ATP2C1: variants seen among roughly 807,000 people sequenced by gnomAD.
ATP2C1 encodes ATPase secretory pathway Ca2+ transporting 1, also known as calcium-transporting ATPase type 2C member 1.
Under a neutral mutation model 120.5 loss-of-function variants are expected in ATP2C1, and 31 were observed. That is an observed-to-expected ratio of 0.26 (90% CI 0.19 to 0.35). The LOEUF is 0.35. Ranked by LOEUF, ATP2C1 falls within the 10% of genes least tolerant of loss-of-function variation. The pLI, the probability that ATP2C1 is intolerant of heterozygous loss-of-function variation, is 1.00. For missense variants in ATP2C1, 731 were observed against 1,107.5 expected, an observed-to-expected ratio of 0.66 and a Z score of 4.83; for synonymous variants, 351 against 358.7, an observed-to-expected ratio of 0.98 and a Z score of 0.24.
At position 130,994,361 on chromosome 3, in the gene ATP2C1, G is replaced by C. The variant is rs550019515; in HGVS notation, c.2057+263G>C. ...TTCACCTTTTTCTGGGCACTAATAT[G>C]ATGGTATAGTAATGGCCTTTATTTT... is the stretch of plus-strand genomic sequence containing the variant. On this transcript the variant is annotated intron_variant, in intron 22 of 27. Transcript: ENST00000510168. 8.5e-5 allele frequency among the ~76,000 whole-genome samples: 13 copies of C among 152,268 alleles called. No homozygotes were observed. In the East Asian group the frequency reaches 2.1e-3, roughly 25 times the overall value.
chr3:130,957,222 A>G (rs529636679), intron 11 of ATP2C1, among the ~76,000 whole-genome samples: 1 of 152,306 alleles, frequency 6.6e-6, no homozygotes, highest in Admixed American at 6.5e-5. Flanking sequence ...AATCTCTGCA[A>G]TTAAGTTGGT....
intron 9 of ATP2C1, among the ~76,000 whole-genome samples, chr3:130,954,432 G>A (rs2060490633): frequency 6.6e-6 from 1 of 152,076 alleles, no homozygotes; most frequent in Non-Finnish European, 1.5e-5. Flanking sequence ...TATAATACAT[G>A]TTTGTATTTC....
intron 22 of ATP2C1, 46 bp downstream of exon 22, chr3:130,994,144 C>G (rs1369734765): frequency 1.9e-6 from 3 of 1,604,186 alleles, no homozygotes; most frequent in Non-Finnish European, 2.6e-6. Context: ...CTTCCCCTAT[C>G]CTTTCCTGTC....
At position 130,979,333 on chromosome 3, in the gene ATP2C1, T is replaced by A. The variant is rs1250433492; in HGVS notation, c.1655T>A (p.Val552Glu). 1.2e-6 allele frequency: 2 copies of A among 1,613,616 alleles called. No homozygotes were observed. Among genetic ancestry groups the A allele is most frequent in the Non-Finnish European group, 1.7e-6 (2 of 1,179,764 alleles). Residue 552 changes from valine (V) to glutamate (E), a missense_variant, in exon 19 of 28, where the codon GTG becomes GAG. By Grantham distance (121) the Val-to-Glu change is moderately radical. Transcript: ENST00000510168. ...ATCATTGATCCACCTAGAACTGGTG[T>A]GAAAGAAGCTGTTACAACACTCATT... ...VGIIDPPRTG[V>E]KEAVTTLIAS... is the part of the protein sequence containing the mutation.
At chr3:130,916,546 C>A (rs1015593473) in intron 2 of ATP2C1, among the ~76,000 whole-genome samples, 1 of 151,856 alleles carries the variant, frequency 6.6e-6, no homozygotes, top group African/African-American at 2.4e-5. Flanking sequence ...TATATTTTTT[C>A]TTTCTTCTTT....
chr3:130,914,472 G>GA (rs999454329), intron 2 of ATP2C1: 5 of 151,970 alleles, frequency 3.3e-5, no homozygotes, highest in African/African-American at 1.2e-4. Flanking sequence ...AGTTTTACAA[G>GA]AAAAAACCCA....
intron 1 of ATP2C1, among the ~76,000 whole-genome samples, chr3:130,853,684 A>G (rs544144715): frequency 1.3e-5 from 2 of 152,282 alleles, no homozygotes; most frequent in South Asian, 4.1e-4. Context: ...TCCTTTTCCA[A>G]GATATTTTGT....
At chr3:130,992,323 G>C (rs560790516) in intron 20 of ATP2C1, among the ~76,000 whole-genome samples, 1 of 152,272 alleles carries the variant, frequency 6.6e-6, no homozygotes, top group South Asian at 2.1e-4. Flanking sequence ...CTAGGTTAGA[G>C]CAAAGTGAAA....
chr3:131,016,382 T>C (rs1480010402), exon 27 of ATP2C1: 1 of 1,604,432 alleles, frequency 6.2e-7, no homozygotes. Context: ...CTAAAAGCAC[T>C]GTAACAGCTT....
intron 2 of ATP2C1, among the ~76,000 whole-genome samples, chr3:130,925,783 T>C (rs1351427101): frequency 6.7e-6 from 1 of 149,888 alleles, no homozygotes; most frequent in East Asian, 2.0e-4. Context: ...TTGGGTGAGC[T>C]TGCTGCAGCT....
In ATP2C1 at chr3:130,894,164, C is replaced by CCCCCAAAACCCA; in HGVS notation, c.-352_-351insCCAAAACCCACC. On this transcript the variant is annotated 5_prime_UTR_variant, in exon 1 of 28. Transcript: ENST00000510168. The surrounding 1 kb of genome is among the most constrained non-coding windows in gnomAD (Gnocchi z 4.5). ...TCCTCTTCTCTCCCCTCCCCGCCCG[C>CCCCCAAAACCCA]CCTCTCTCCCTCCCTTCCTCCCTCC... The CCCCCAAAACCCA allele has an allele frequency of 1.2e-6, 1 of 800,534 alleles. No individual in the cohort carries two copies. 49.6% of individuals were successfully genotyped at this position (800,534 alleles called of 1,614,324 possible).
intron 27 of ATP2C1, among the ~76,000 whole-genome samples, chr3:131,000,782 A>G (rs1223454181): frequency 6.6e-6 from 1 of 151,994 alleles, no homozygotes; most frequent in Non-Finnish European, 1.5e-5. Flanking sequence ...TGCCTGCCTT[A>G]TGGAATAGTT....
intron 2 of ATP2C1, chr3:130,919,067 G>A: frequency 2.0e-6 from 1 of 488,556 alleles, no homozygotes. Flanking sequence ...TCTGCGTGGT[G>A]CACGGCCCTC....
chr3:130,975,477 C>T lies in ATP2C1; in HGVS notation c.1559C>T (p.Ala520Val), dbSNP rs779717457. 17 of 1,613,414 alleles carry T rather than the reference C, an allele frequency of 1.1e-5. No homozygotes were observed. Among genetic ancestry groups the T allele is most frequent in the Admixed American group, 5.0e-5 (3 of 59,932 alleles). Residue 520 changes from alanine to valine, a missense_variant, in exon 18 of 28, where the codon GCG becomes GTG. Ala to Val is a moderately conservative substitution (Grantham distance 64). This residue lies in a region of ATP2C1 where 571 missense variants were observed against 845.9 expected (regional missense o/e 0.67). Coordinates refer to ENST00000510168, the MANE Select transcript of ATP2C1 (RefSeq NM_001378687.1). The stretch of plus-strand genomic sequence containing the variant: ...CAAGAGAAGGCACGCATGGGCTCAG[C>T]GGGACTCAGAGGTAAGGCTATTTCA... ...YQQEKARMGS[A>V]GLRVLALASG...
In ATP2C1 at chr3:130,964,004, C is replaced by T. The variant is rs748853340; in HGVS notation, c.933C>T (p.Pro311=). 5.6e-6 allele frequency: 9 copies of T among 1,612,780 alleles called. No individual in the cohort carries two copies. The highest frequency in any genetic ancestry group is 7.6e-6 in the Non-Finnish European group (9 of 1,178,994). ...TAGCAGCAATTCCTGAAGGTCTCCC[C>T]ATTGTGGTCACAGTGACGCTAGCTC... ...LAVAAIPEGL[P]IVVTVTLALG... is the part of the protein sequence containing the mutation. Residue 311 remains proline (P), a synonymous_variant, in exon 13 of 28, where the codon CCC becomes CCT. Transcript: ENST00000510168.
chr3:130,965,022 A>T lies in ATP2C1; in HGVS notation c.1099A>T (p.Thr367Ser), dbSNP rs2060988979. 1 of 1,611,572 alleles carries T rather than the reference A, an allele frequency of 6.2e-7. No homozygotes were observed. Among genetic ancestry groups the T allele is most frequent in the South Asian group, 1.1e-5 (1 of 91,018 alleles). Residue 367 changes from threonine (T) to serine (S), a missense_variant, in exon 14 of 28, where the codon ACT (threonine) becomes TCT (serine). By Grantham distance (58) the Thr-to-Ser change is moderately conservative (BLOSUM62 1). This residue lies in a region of ATP2C1 where 571 missense variants were observed against 845.9 expected (regional missense o/e 0.67). Coordinates refer to ENST00000510168, the MANE Select transcript of ATP2C1 (RefSeq NM_001378687.1). ...KNEMTVTHIF[T>S]SDGLHAEVTG... ...TGAAATGACTGTTACTCACATATTT[A>T]CTTCAGATGGTCTGCATGCTGAGGT... is the stretch of plus-strand genomic sequence containing the variant.
intron 5 of ATP2C1, among the ~76,000 whole-genome samples, chr3:130,935,658 T>C (rs1559943639): frequency 6.6e-6 from 1 of 152,250 alleles, no homozygotes; most frequent in African/African-American, 2.4e-5. Context: ...TATAGACTTT[T>C]GGCATTAATG....
At chr3:130,996,942 G>A in intron 24 of ATP2C1, 146 bp downstream of exon 24, 2 of 697,874 alleles carry the variant, frequency 2.9e-6, no homozygotes, top group Non-Finnish European at 2.6e-6. Context: ...TGTGATGTGT[G>A]TATTTTATTA....
intron 8 of ATP2C1, among the ~76,000 whole-genome samples, chr3:130,953,171 T>C (rs1186454269): frequency 1.3e-5 from 2 of 152,106 alleles, no homozygotes; most frequent in East Asian, 3.8e-4. Flanking sequence ...TTTTTTTCTT[T>C]TTTCTGTATG....
Sources: allele counts gnomAD v4.1 joint callset (sites outside exome capture counted in the v4.1 genomes callset), GRCh38; gene constraint gnomAD v4.1.1; regional missense constraint gnomAD v4.1.1; non-coding constraint Gnocchi (gnomAD v3.1); transcripts MANE v1.5; gene names NCBI Gene and HGNC (gene_info 2026-07-23, HGNC 2026-07-21).